Variants in UACA observed in about 807,000 individuals in gnomAD.
UACA encodes the protein nuclear membrane binding protein.
A neutral mutation model predicts 160.5 loss-of-function variants in UACA; 112 were observed. The ratio of observed to expected loss-of-function variants is 0.70; its 90% CI spans 0.60 to 0.82. UACA has a LOEUF of 0.82. Among genes scored for constraint, UACA ranks in the 40% least tolerant of loss-of-function variants. UACA has a pLI of 0.00. For missense variants in UACA, 1,574 were observed against 1,614.6 expected, an observed-to-expected ratio of 0.97 and a Z score of 0.43; for synonymous variants, 557 against 568.4, an observed-to-expected ratio of 0.98 and a Z score of 0.29.
intron 1 of UACA, among the ~76,000 whole-genome samples, chr15:70,749,524 CA>C (rs538980286): frequency 3.1e-4 from 42 of 134,728 alleles, no homozygotes; most frequent in Admixed American, 5.2e-4. Flanking sequence ...GACTCCGTCT[CA>C]AAAAAAAAAA....
Position 70,699,565 on chromosome 15 carries a change from C to G in UACA, c.174G>C (p.Gly58=). The G allele has an allele frequency of 7.5e-6, 12 of 1,610,278 alleles. No individual in the cohort carries two copies. Among genetic ancestry groups the G allele is most frequent in the Non-Finnish European group, 1.0e-5 (12 of 1,179,066 alleles). The part of the protein sequence containing the change: ...EKVTSILAKK[G]VNPGKLDVEG... Reference sequence around the variant, plus strand: ...CCACATCTAGTTTGCCTGGATTGACCCCCTTTTTAGCAAGGATTGAGGTCA... The same window carrying G: ...CCACATCTAGTTTGCCTGGATTGACGCCCTTTTTAGCAAGGATTGAGGTCA... Residue 58 remains glycine, a synonymous_variant, in exon 2 of 19, where the codon GGG becomes GGC. Transcript: ENST00000322954.
At chr15:70,693,654 G>A (rs1898020417) in intron 3 of UACA, among the ~76,000 whole-genome samples, 1 of 151,944 alleles carries the variant, frequency 6.6e-6, no homozygotes, top group Admixed American at 6.6e-5. Flanking sequence ...TGCTGAGCTT[G>A]GGGAAGCATT....
At chr15:70,748,414 G>C (rs1023305100) in intron 1 of UACA, among the ~76,000 whole-genome samples, 1 of 152,138 alleles carries the variant, frequency 6.6e-6, no homozygotes, top group African/African-American at 2.4e-5. Context: ...AGAGTGTTCT[G>C]CATCAGTCTG....
chr15:70,706,519 TAAAAAAAAAA>T (rs34478198), intron 1 of UACA, among the ~76,000 whole-genome samples: 9 of 121,366 alleles, frequency 7.4e-5, no homozygotes, highest in African/African-American at 2.3e-4. Context: ...TCTTATTTGT[TAAAAAAAAAA>T]AAAAAAAACT....
intron 18 of UACA, among the ~76,000 whole-genome samples, chr15:70,657,363 C>T (rs1226122658): frequency 6.6e-6 from 1 of 152,180 alleles, no homozygotes; most frequent in Non-Finnish European, 1.5e-5. Context: ...GCAATCCCAG[C>T]ACTTTGGGAG....
intron 1 of UACA, among the ~76,000 whole-genome samples, chr15:70,700,878 C>T (rs1172826608): frequency 6.6e-6 from 1 of 151,612 alleles, no homozygotes; most frequent in East Asian, 1.9e-4. Context: ...CCACAAATAC[C>T]CTAACAAATC....
intron 1 of UACA, among the ~76,000 whole-genome samples, chr15:70,718,373 T>TGTGTGTGTGTGTGTG (rs71152310): frequency 7.2e-5 from 10 of 139,500 alleles, no homozygotes; most frequent in African/African-American, 2.2e-4. Context: ...TGTGTGTGTG[T>TGTGTGTGTGTGTGTG]TAGGAGTTGA....
intron 8 of UACA, among the ~76,000 whole-genome samples, chr15:70,683,158 C>T (rs1184885555): frequency 6.6e-6 from 1 of 151,918 alleles, no homozygotes; most frequent in Admixed American, 6.6e-5. Flanking sequence ...GAGTTCAAGA[C>T]CAGCCTGGGC....
intron 1 of UACA, among the ~76,000 whole-genome samples, chr15:70,725,432 TG>T (rs1899115192): frequency 6.6e-6 from 1 of 152,194 alleles, no homozygotes; most frequent in Admixed American, 6.5e-5. Context: ...CCTTAGGATA[TG>T]GCACTACTCA....
chr15:70,670,902 C>T (rs575834482), intron 15 of UACA, 137 bp downstream of exon 15: 79 of 430,642 alleles, frequency 1.8e-4, no homozygotes, highest in Non-Finnish European at 3.2e-4. Flanking sequence ...GAAAGCAGGA[C>T]CAACTTGTCT....
the UACA span, among the ~76,000 whole-genome samples, chr15:70,772,385 T>C: frequency 6.8e-6 from 1 of 147,788 alleles, no homozygotes; most frequent in Admixed American, 6.9e-5. Context: ...CCCAGCTACT[T>C]GGGAGGCTGA....
intron 17 of UACA, chr15:70,661,299 T>C (rs1896698191): frequency 6.6e-6 from 1 of 152,210 alleles, no homozygotes; most frequent in African/African-American, 2.4e-5. Flanking sequence ...TTGACATCTC[T>C]CATCTTGTGA....
chr15:70,751,449 T>C (rs2030049002), intron 1 of UACA, among the ~76,000 whole-genome samples: 1 of 152,250 alleles, frequency 6.6e-6, no homozygotes, highest in Non-Finnish European at 1.5e-5. Flanking sequence ...GGTAAGACTT[T>C]TCAGTTAGCA....
intron 1 of UACA, among the ~76,000 whole-genome samples, chr15:70,713,129 G>A (rs999615783): frequency 1.3e-5 from 2 of 152,192 alleles, no homozygotes; most frequent in Non-Finnish European, 2.9e-5. Context: ...CGGATCATGA[G>A]GTCAGGAGAT....
chr15:70,776,425 C>CTTTTT, the UACA span, among the ~76,000 whole-genome samples: 4 of 125,328 alleles, frequency 3.2e-5, no homozygotes, highest in Non-Finnish European at 5.0e-5. Flanking sequence ...CCTCAAATGT[C>CTTTTT]TTTTTTTTTT....
chr15:70,677,856 C>T (rs1037778548), intron 11 of UACA, among the ~76,000 whole-genome samples: 2 of 152,080 alleles, frequency 1.3e-5, no homozygotes, highest in Non-Finnish European at 2.9e-5. Context: ...CAGGAAGTGC[C>T]CCCCTCAGAA....
At position 70,679,677 on chromosome 15, in the gene UACA, C is replaced by T; in HGVS notation, c.823-1G>A. The T allele has an allele frequency of 6.3e-7, 1 of 1,584,146 alleles. No individual in the cohort carries two copies. The highest frequency in any genetic ancestry group is 8.6e-7 in the Non-Finnish European group (1 of 1,165,100). ...CATCTTGCATGTGTGTCAAATTTCGCTTTGGTAAAACATAAGAAAACACGG... is the reference window on the plus strand; with the variant it reads ...CATCTTGCATGTGTGTCAAATTTCGTTTTGGTAAAACATAAGAAAACACGG... On this transcript the variant is annotated splice_acceptor_variant, in intron 9 of 18. Coordinates refer to ENST00000322954, the MANE Select transcript of UACA (RefSeq NM_018003.4). LOFTEE classifies it high-confidence loss of function.
At chr15:70,761,867 TA>T (rs1230843444) in intron 1 of UACA, among the ~76,000 whole-genome samples, 1 of 152,190 alleles carries the variant, frequency 6.6e-6, no homozygotes, top group African/African-American at 2.4e-5. Context: ...TTAAGGCATA[TA>T]AACCTCCAAG....
intron 2 of UACA, among the ~76,000 whole-genome samples, chr15:70,696,340 C>G (rs1346008244): frequency 6.6e-6 from 1 of 152,120 alleles, no homozygotes; most frequent in Admixed American, 6.5e-5. Flanking sequence ...TCAATGAAAG[C>G]AGGGATTTTT....
Sources: gnomAD v4.1 joint callset for allele counts (sites outside exome capture counted in the v4.1 genomes callset) on GRCh38, gnomAD v4.1.1 for gene constraint, MANE v1.5 for transcripts, NCBI Gene and HGNC (gene_info 2026-07-23, HGNC 2026-07-21) for gene names.